Variants in PIEZO2 observed in about 807,000 individuals in gnomAD.
PIEZO2 encodes the protein piezo-type mechanosensitive ion channel component 2.
A neutral mutation model predicts 337.3 loss-of-function variants in PIEZO2; 172 were observed. That is an observed-to-expected ratio of 0.51 (90% CI 0.45 to 0.58). The LOEUF is 0.58. PIEZO2 is among the 20% of genes least tolerant of loss of function. The pLI is 0.00. For missense variants in PIEZO2, 3,028 were observed against 3,391.3 expected (o/e 0.89, Z 2.66); for synonymous variants, 1,251 against 1,228.5 (o/e 1.02, Z -0.38).
chr18:11,128,997 A>G lies in PIEZO2; in HGVS notation c.64+19528T>C, dbSNP rs1183460821. 1.3e-5 allele frequency among the ~76,000 whole-genome samples: 2 copies of G among 152,134 alleles called. No individual in the cohort carries two copies. Among genetic ancestry groups the G allele is most frequent in the African/African-American group, 4.8e-5 (2 of 41,416 alleles). ...TCAGGGAGTTAAAAAAGGTTCTAATAGTTTATTTGCTTGGTTGGTTAAAAT... is the reference window on the plus strand; with the variant it reads ...TCAGGGAGTTAAAAAAGGTTCTAATGGTTTATTTGCTTGGTTGGTTAAAAT... On this transcript the variant is annotated intron_variant, in intron 1 of 55. Coordinates refer to ENST00000674853, the MANE Select transcript of PIEZO2 (RefSeq NM_001378183.1). This position sits in a 1 kb window ranked among gnomAD's most constrained non-coding sequence, Gnocchi z 4.1.
rs2041042958 is a variant in PIEZO2 at position 10,837,226 on chromosome 18, T to C, written c.917+18127A>G. ...TCAATGCTTTGAGGGGATTTTATTT[T>C]GACAGCTTTCACTAACTTTGTTTTT... is the stretch of plus-strand genomic sequence containing the variant. On this transcript the variant is annotated intron_variant, in intron 7 of 55. Coordinates refer to ENST00000674853, the MANE Select transcript of PIEZO2 (RefSeq NM_001378183.1). This position sits in a 1 kb window ranked among gnomAD's most constrained non-coding sequence, Gnocchi z 4.4. Among the ~76,000 whole-genome samples the C allele has an allele frequency of 6.6e-6, 1 of 152,244 alleles. No individual in the cohort carries two copies. The highest frequency in any genetic ancestry group is 2.4e-5 in the African/African-American group (1 of 41,478).
At chr18:11,025,405 T>G (rs1365628185) in intron 2 of PIEZO2, among the ~76,000 whole-genome samples, 1 of 152,196 alleles carries the variant, frequency 6.6e-6, no homozygotes, top group African/African-American at 2.4e-5. Flanking sequence ...TGCCTAGGGA[T>G]GCAAAGCAAG....
intron 3 of PIEZO2, among the ~76,000 whole-genome samples, chr18:10,939,016 T>C (rs1843403): frequency 0.41 from 61,872 of 151,848 alleles, 13,566 homozygotes; most frequent in Non-Finnish European, 0.5. Flanking sequence ...GAACCCAGAG[T>C]GGCAGAAGTT....
At chr18:11,042,027 C>T (rs150919313) in intron 2 of PIEZO2, among the ~76,000 whole-genome samples, 96 of 152,306 alleles carry the variant, frequency 6.3e-4, no homozygotes, top group African/African-American at 2.3e-3. Context: ...TTTCAGATTA[C>T]TTGCTGAAGG....
chr18:10,692,963 A>C (rs975130767), intron 47 of PIEZO2, among the ~76,000 whole-genome samples: 1 of 152,134 alleles, frequency 6.6e-6, no homozygotes, highest in African/African-American at 2.4e-5. Context: ...GAGAAACTGC[A>C]TCTCCCCCAA....
rs1188888044 is a variant in PIEZO2, at chr18:11,131,852, G to A, written c.64+16673C>T. On this transcript the variant is annotated intron_variant, in intron 1 of 55. Coordinates refer to ENST00000674853, the MANE Select transcript of PIEZO2 (RefSeq NM_001378183.1). The surrounding 1 kb of genome is among the most constrained non-coding windows in gnomAD (Gnocchi z 5.3). ...AGTTTAATAATGAAGCGGATAGGAT[G>A]ACCTGTTGTGTGGACACCACTCAGC... Among the ~76,000 whole-genome samples, 1 of 152,140 alleles carries A rather than the reference G, an allele frequency of 6.6e-6. No homozygotes were observed. Among genetic ancestry groups the A allele is most frequent in the Non-Finnish European group, 1.5e-5 (1 of 68,008 alleles).
chr18:10,681,543 A>G, intron 51 of PIEZO2, 118 bp downstream of exon 51: 2 of 773,452 alleles, frequency 2.6e-6, no homozygotes, highest in South Asian at 3.5e-5. Flanking sequence ...TGTAACTGAT[A>G]AACCCTGAAA....
At position 10,801,358 on chromosome 18, in the gene PIEZO2, T is replaced by C. The variant is rs2039808521; in HGVS notation, c.1239+32A>G. 2.1e-6 allele frequency: 3 copies of C among 1,450,804 alleles called. No homozygotes were observed. In the East Asian group the frequency reaches 7.4e-5, roughly 36 times the overall value. 89.9% of individuals were successfully genotyped at this position (1,450,804 alleles called of 1,614,324 possible). ...TTGTTGCCTTTACATCACTTACACATGCATAAATGATAATTCTAAGGGTAT... is the reference window on the plus strand; with the variant it reads ...TTGTTGCCTTTACATCACTTACACACGCATAAATGATAATTCTAAGGGTAT... On this transcript the variant is annotated intron_variant, in intron 10 of 55. Transcript: ENST00000674853.
intron 16 of PIEZO2, 81 bp downstream of exon 16, chr18:10,786,954 TA>T (rs2039244337): frequency 1.5e-6 from 2 of 1,327,778 alleles, no homozygotes; most frequent in Non-Finnish European, 2.0e-6. Flanking sequence ...CATGCTTTAC[TA>T]AAATCTTCCT....
chr18:11,056,123 T>G (rs1337971164), intron 2 of PIEZO2, among the ~76,000 whole-genome samples: 1 of 152,184 alleles, frequency 6.6e-6, no homozygotes, highest in Non-Finnish European at 1.5e-5. Flanking sequence ...GGGCCTCAGC[T>G]GCTGGGATGC....
rs183551364 is a variant in PIEZO2 at position 10,991,215 on chromosome 18, T to C, written c.161-11555A>G. Among the ~76,000 whole-genome samples the C allele has an allele frequency of 3.9e-3, 581 of 147,768 alleles. 2 individuals carry two copies. Among genetic ancestry groups the C allele is most frequent in the African/African-American group, 4.1e-3 (163 of 39,904 alleles). On this transcript the variant is annotated intron_variant, in intron 2 of 55. Transcript: ENST00000674853. ...ATACATACATATATACATATATATATACACACACACACACACACATTTTTT... is the reference window on the plus strand; with the variant it reads ...ATACATACATATATACATATATATACACACACACACACACACACATTTTTT...
At chr18:10,978,727 C>T (rs1223730064) in intron 3 of PIEZO2, among the ~76,000 whole-genome samples, 1 of 152,164 alleles carries the variant, frequency 6.6e-6, no homozygotes, top group Non-Finnish European at 1.5e-5. Flanking sequence ...TTCAAACCCA[C>T]AAATGGGTTC....
At chr18:11,064,743 C>T (rs2038095663) in intron 2 of PIEZO2, among the ~76,000 whole-genome samples, 1 of 152,090 alleles carries the variant, frequency 6.6e-6, no homozygotes, top group Non-Finnish European at 1.5e-5. Context: ...CAATAAAGGG[C>T]CACACTGATA....
At chr18:10,933,365 C>G (rs556300204) in intron 3 of PIEZO2, among the ~76,000 whole-genome samples, 1 of 152,052 alleles carries the variant, frequency 6.6e-6, no homozygotes, top group African/African-American at 2.4e-5. Flanking sequence ...TTTTCTTCTT[C>G]ATTTCTAAGA....
chr18:11,088,084 C>T (rs2038964402), intron 1 of PIEZO2, among the ~76,000 whole-genome samples: 1 of 152,210 alleles, frequency 6.6e-6, no homozygotes, highest in Admixed American at 6.5e-5. Context: ...CTTAGGCAGA[C>T]CTCAATGTAT....
rs2042107090 is a variant in PIEZO2 at position 10,870,217 on chromosome 18, A to G, written c.492+1036T>C. ...AGTTTGCATAGGTTTATTGAATTCT[A>G]TCCCTCCTTTATTGTTTTTTAAATA... On this transcript the variant is annotated intron_variant, in intron 5 of 55. Coordinates refer to ENST00000674853, the MANE Select transcript of PIEZO2 (RefSeq NM_001378183.1). This position sits in a 1 kb window ranked among gnomAD's most constrained non-coding sequence, Gnocchi z 5.3. Among the ~76,000 whole-genome samples the G allele has an allele frequency of 1.3e-5, 2 of 152,110 alleles. No homozygotes were observed. The highest frequency in any genetic ancestry group is 1.9e-4 in the East Asian group (1 of 5,190).
chr18:10,761,946 C>T (rs761379248), intron 23 of PIEZO2, among the ~76,000 whole-genome samples: 1 of 152,178 alleles, frequency 6.6e-6, no homozygotes, highest in Non-Finnish European at 1.5e-5. Context: ...ACTATTTGTA[C>T]TCGTTTCCTT....
intron 2 of PIEZO2, among the ~76,000 whole-genome samples, chr18:11,024,769 G>C (rs931281751): frequency 6.6e-6 from 1 of 151,594 alleles, no homozygotes; most frequent in Admixed American, 6.6e-5. Flanking sequence ...CTCCTGAGTA[G>C]CTGGGATTAT....
At chr18:10,915,662 T>C (rs567872198) in intron 3 of PIEZO2, among the ~76,000 whole-genome samples, 16 of 152,238 alleles carry the variant, frequency 1.1e-4, no homozygotes, top group South Asian at 2.1e-4. Flanking sequence ...TCTGTGAAAT[T>C]AGTACTATTA....
Sources: gnomAD v4.1 joint callset for allele counts (sites outside exome capture counted in the v4.1 genomes callset) on GRCh38, gnomAD v4.1.1 for gene constraint, Gnocchi (gnomAD v3.1) non-coding constraint, MANE v1.5 for transcripts, NCBI Gene and HGNC (gene_info 2026-07-23, HGNC 2026-07-21) for gene names.